Variants in RAB11FIP2 observed in about 807,000 individuals in gnomAD.
RAB11FIP2 encodes the protein RAB11 family interacting protein 2, also known as rab11 family-interacting protein 2.
In RAB11FIP2, 16 loss-of-function variants were observed where a neutral mutation model predicts 40.9. That is an observed-to-expected ratio of 0.39 (90% CI 0.26 to 0.59). The LOEUF is 0.59. Ranked by LOEUF, RAB11FIP2 falls within the 20% of genes least tolerant of loss-of-function variation. The pLI, the probability that RAB11FIP2 is intolerant of heterozygous loss-of-function variation, is 0.53. For missense variants in RAB11FIP2, 532 were observed against 606.2 expected (o/e 0.88, Z 1.28); for synonymous variants, 228 against 213.7 (o/e 1.07, Z -0.58).
At chr10:118,022,535 C>T (rs1846293763) in intron 3 of RAB11FIP2, among the ~76,000 whole-genome samples, 1 of 152,178 alleles carries the variant, frequency 6.6e-6, no homozygotes, top group African/African-American at 2.4e-5. Flanking sequence ...CAATCTACTT[C>T]ACTGCTCTAA....
chr10:118,008,437 T>A lies in RAB11FIP2; in HGVS notation c.*561A>T, dbSNP rs2133158943. 6.5e-6 allele frequency: 1 copy of A among 153,568 alleles called. No homozygotes were observed. The highest frequency in any genetic ancestry group is 6.5e-5 in the Admixed American group (1 of 15,446). The allele number at this position is 153,568 out of a possible 1,614,324, so 9.5% of individuals were successfully genotyped here. On this transcript the variant is annotated 3_prime_UTR_variant, in exon 5 of 5. Coordinates refer to ENST00000355624, the MANE Select transcript of RAB11FIP2 (RefSeq NM_014904.3). Reference sequence around the variant, plus strand: ...ATTGGTAGCCTAACTTTAGAGGCAATCAATTGTTTCTAAATGTTCTAAAAA... The same window carrying A: ...ATTGGTAGCCTAACTTTAGAGGCAAACAATTGTTTCTAAATGTTCTAAAAA...
At chr10:118,019,139 T>C (rs1215973566) in intron 3 of RAB11FIP2, among the ~76,000 whole-genome samples, 1 of 152,088 alleles carries the variant, frequency 6.6e-6, no homozygotes. Context: ...CAATGAGAAG[T>C]CACATAACAA....
rs1846203514 is a variant in RAB11FIP2 at position 118,015,214 on chromosome 10, C to G, written c.1266-104G>C. The G allele has an allele frequency of 1.9e-5, 16 of 847,312 alleles. No homozygotes were observed. In the South Asian group the frequency reaches 3.6e-4, roughly 19 times the overall value. 52.5% of individuals were successfully genotyped at this position (847,312 alleles called of 1,614,324 possible). On this transcript the variant is annotated intron_variant, in intron 3 of 4. Coordinates refer to ENST00000355624, the MANE Select transcript of RAB11FIP2 (RefSeq NM_014904.3). ...CATTGTAATACAAATTTCTAAAGCC[C>G]TACATTATTCAGAGGAGTGAAATTT...
In RAB11FIP2 at chr10:118,009,094, G is replaced by A. The variant is rs149075550; in HGVS notation, c.1443C>T (p.Ile481=). 137 of 1,613,452 alleles carry A rather than the reference G, an allele frequency of 8.5e-5. No individual in the cohort carries two copies. Among genetic ancestry groups the A allele is most frequent in the South Asian group, 2.0e-4 (18 of 91,078 alleles). Residue 481 remains isoleucine, a synonymous_variant, in exon 5 of 5, where the codon ATC becomes ATT. Coordinates refer to ENST00000355624, the MANE Select transcript of RAB11FIP2 (RefSeq NM_014904.3). ...DTHIRELEDY[I]DNLLVRVMEE... is the part of the protein sequence containing the mutation. ...CCATTACCCTTACAAGGAGGTTGTC[G>A]ATGTAGTCCTCGAGTTCCCGGATGT... is the stretch of plus-strand genomic sequence containing the variant.
chr10:118,014,730 C>T (rs936385280), intron 4 of RAB11FIP2, among the ~76,000 whole-genome samples: 2 of 152,102 alleles, frequency 1.3e-5, no homozygotes, highest in African/African-American at 2.4e-5. Flanking sequence ...GTCTTTTCTA[C>T]GTGCTCTTAT....
At chr10:118,015,040 C>A in intron 4 of RAB11FIP2, 25 bp downstream of exon 4, 1 of 1,575,712 alleles carries the variant, frequency 6.3e-7, no homozygotes, top group South Asian at 1.2e-5. Flanking sequence ...TCTTTGACAA[C>A]CCTCTAACCC....
At chr10:118,027,771 T>C (rs1307394415) in intron 3 of RAB11FIP2, among the ~76,000 whole-genome samples, 1 of 152,186 alleles carries the variant, frequency 6.6e-6, no homozygotes, top group South Asian at 2.1e-4. Context: ...GATATAATAG[T>C]ATTTAGTCAC....
At chr10:118,020,763 C>T (rs576867173) in intron 3 of RAB11FIP2, among the ~76,000 whole-genome samples, 2 of 152,272 alleles carry the variant, frequency 1.3e-5, no homozygotes, top group African/African-American at 4.8e-5. Flanking sequence ...CTCAATTATT[C>T]GTTTTGAGTG....
chr10:118,030,092 G>GT (rs1846395190), intron 3 of RAB11FIP2, among the ~76,000 whole-genome samples: 1 of 152,090 alleles, frequency 6.6e-6, no homozygotes, highest in Non-Finnish European at 1.5e-5. Context: ...GAAAATAAAT[G>GT]TTTAAGACAA....
intron 3 of RAB11FIP2, among the ~76,000 whole-genome samples, chr10:118,032,114 T>C (rs1261214104): frequency 6.6e-6 from 1 of 152,056 alleles, no homozygotes; most frequent in Non-Finnish European, 1.5e-5. Flanking sequence ...CTCAATCTTA[T>C]TCTCTCAAGC....
intron 3 of RAB11FIP2, among the ~76,000 whole-genome samples, chr10:118,034,683 A>C (rs1247539467): frequency 1.3e-5 from 2 of 152,196 alleles, no homozygotes; most frequent in African/African-American, 4.8e-5. Context: ...GATGCTAAAC[A>C]ACCTGTGACT....
intron 3 of RAB11FIP2, among the ~76,000 whole-genome samples, chr10:118,029,356 CCTAA>C (rs1296842067): frequency 6.6e-6 from 1 of 152,122 alleles, no homozygotes; most frequent in African/African-American, 2.4e-5. Context: ...ATATTAACTT[CCTAA>C]CTAGTTTCCC....
intron 1 of RAB11FIP2, among the ~76,000 whole-genome samples, chr10:118,040,952 G>C (rs947894707): frequency 6.6e-6 from 1 of 151,986 alleles, no homozygotes; most frequent in Non-Finnish European, 1.5e-5. Flanking sequence ...CATTGAGGCA[G>C]AGATTTTGAA....
chr10:118,011,605 A>G (rs1846156857), intron 4 of RAB11FIP2, among the ~76,000 whole-genome samples: 1 of 152,114 alleles, frequency 6.6e-6, no homozygotes, highest in African/African-American at 2.4e-5. Flanking sequence ...GTAATTCTGC[A>G]TAAATTTGAG....
chr10:118,016,619 T>TGTGAGA (rs1239654093), intron 3 of RAB11FIP2, among the ~76,000 whole-genome samples: 1 of 152,206 alleles, frequency 6.6e-6, no homozygotes, highest in African/African-American at 2.4e-5. Context: ...GCATGTTTTC[T>TGTGAGA]AATAGGTCAA....
Position 118,040,151 on chromosome 10 carries a change from T to A in RAB11FIP2, c.768A>T (p.Leu256Phe). 6.2e-7 allele frequency: 1 copy of A among 1,613,718 alleles called. No individual in the cohort carries two copies. The highest frequency in any genetic ancestry group is 1.1e-5 in the South Asian group (1 of 91,080). The change falls in exon 2 of 5, where the codon TTA (leucine) becomes TTT (phenylalanine). Residue 256 changes from leucine (L) to phenylalanine (F), a missense_variant. Leu to Phe is a conservative substitution (Grantham distance 22). Coordinates refer to ENST00000355624, the MANE Select transcript of RAB11FIP2 (RefSeq NM_014904.3). ...IGQTHLLGHQLDSFGTVPESG... is the reference protein window; with the variant it reads ...IGQTHLLGHQFDSFGTVPESG... ...TTTCTGGAACTGTTCCAAAGGAATC[T>A]AACTGGTGTCCGAGAAGATGTGTTT...
chr10:118,023,555 A>G (rs1460966134), intron 3 of RAB11FIP2, among the ~76,000 whole-genome samples: 1 of 152,140 alleles, frequency 6.6e-6, no homozygotes, highest in Non-Finnish European at 1.5e-5. Flanking sequence ...ATTAACAGTA[A>G]TTTACTTATT....
intron 3 of RAB11FIP2, among the ~76,000 whole-genome samples, chr10:118,021,499 G>A (rs952771670): frequency 6.6e-6 from 1 of 152,068 alleles, no homozygotes; most frequent in African/African-American, 2.4e-5. Flanking sequence ...ACTAGGACTC[G>A]TCGACAGTCC....
At chr10:118,021,073 T>C (rs1846279208) in intron 3 of RAB11FIP2, among the ~76,000 whole-genome samples, 1 of 152,050 alleles carries the variant, frequency 6.6e-6, no homozygotes, top group Admixed American at 6.5e-5. Context: ...CAACCCACCC[T>C]GCCTACACAT....
Sources: allele counts gnomAD v4.1 joint callset (sites outside exome capture counted in the v4.1 genomes callset), GRCh38; gene constraint gnomAD v4.1.1; transcripts MANE v1.5; gene names NCBI Gene and HGNC (gene_info 2026-07-23, HGNC 2026-07-21).